RPS6KA6: variants seen among roughly 807,000 people sequenced by gnomAD.
RPS6KA6 encodes ribosomal protein S6 kinase alpha-6.
Under a neutral mutation model 65.4 loss-of-function variants are expected in RPS6KA6, and 27 were observed. The ratio of observed to expected loss-of-function variants is 0.41; its 90% CI spans 0.30 to 0.57. RPS6KA6 has a LOEUF of 0.57. RPS6KA6 is among the 20% of genes least tolerant of loss of function. RPS6KA6 has a pLI of 0.24. For synonymous variants in RPS6KA6, 190 were observed against 184.2 expected, an observed-to-expected ratio of 1.03 and a Z score of -0.26; for missense variants, 486 against 555.6, an observed-to-expected ratio of 0.87 and a Z score of 1.26.
intron 8 of RPS6KA6, among the ~76,000 whole-genome samples, chrX:84,122,173 G>T (rs1054845717): frequency 2.7e-5 from 3 of 110,489 alleles, no homozygotes; most frequent in Non-Finnish European, 5.7e-5. Flanking sequence ...AATCACTGAT[G>T]ACACCCCTTC....
intron 1 of RPS6KA6, among the ~76,000 whole-genome samples, chrX:84,179,064 A>G (rs6616913): frequency 0.051 from 5,681 of 110,812 alleles, 199 homozygotes; most frequent in East Asian, 0.2. Context: ...CTCAAAATTC[A>G]ATAATAAGAA....
At position 84,097,862 on chromosome X, in the gene RPS6KA6, A is replaced by C. The variant is rs2034187163; in HGVS notation, c.1777-14T>G. 1 of 1,122,292 alleles carries C rather than the reference A, an allele frequency of 8.9e-7. No individual in the cohort carries two copies. The highest frequency in any genetic ancestry group is 1.2e-6 in the Non-Finnish European group (1 of 819,748). The allele number at this position is 1,122,292 out of a possible 1,213,427, so 92.5% of individuals were successfully genotyped here. On this transcript the variant is annotated splice_polypyrimidine_tract_variant and intron_variant, in intron 18 of 21. Coordinates refer to ENST00000262752, the MANE Select transcript of RPS6KA6 (RefSeq NM_014496.5). ...TTGCATAAGAACCTAAGAAAGAAAT[A>C]CTCATTATATGGTGTTACTCAATAT...
intron 6 of RPS6KA6, among the ~76,000 whole-genome samples, chrX:84,139,658 T>C (rs1414921205): frequency 1.8e-5 from 2 of 111,871 alleles, no homozygotes; most frequent in Admixed American, 1.9e-4. Flanking sequence ...AAGTAAGACA[T>C]TGAACTACTA....
intron 1 of RPS6KA6, chrX:84,187,566 C>G (rs752365306): frequency 3.3e-6 from 1 of 303,226 alleles, no homozygotes; most frequent in East Asian, 5.2e-5. Context: ...CACAACAACT[C>G]TGGCGTGGCC....
At chrX:84,107,770 A>C (rs1441717584) in intron 12 of RPS6KA6, 45 bp from the exon 13 acceptor site, 2 of 675,191 alleles carry the variant, frequency 3.0e-6, no homozygotes, top group Non-Finnish European at 4.6e-6. Context: ...AAGACTTTAA[A>C]AATTATTATA....
chrX:84,072,480 G>C (rs1297584754), intron 20 of RPS6KA6, among the ~76,000 whole-genome samples: 1 of 111,620 alleles, frequency 9.0e-6, no homozygotes, highest in East Asian at 2.8e-4. Flanking sequence ...AGCTTTTCCT[G>C]TATGATATGG....
intron 8 of RPS6KA6, among the ~76,000 whole-genome samples, chrX:84,120,532 C>T (rs1454752809): frequency 9.0e-6 from 1 of 111,112 alleles, no homozygotes; most frequent in Non-Finnish European, 1.9e-5. Context: ...TTAAAAAGTA[C>T]CATTTATAAT....
At chrX:84,110,037 C>T (rs1048162548) in intron 12 of RPS6KA6, among the ~76,000 whole-genome samples, 1 of 111,413 alleles carries the variant, frequency 9.0e-6, no homozygotes, top group Non-Finnish European at 1.9e-5. Flanking sequence ...AAGCATTACC[C>T]ATTGGCAAAC....
intron 2 of RPS6KA6, among the ~76,000 whole-genome samples, chrX:84,157,188 C>T (rs2035430093): frequency 9.0e-6 from 1 of 111,524 alleles, no homozygotes; most frequent in South Asian, 3.7e-4. Flanking sequence ...GCTAAAATAA[C>T]TTCCATGGAA....
intron 8 of RPS6KA6, among the ~76,000 whole-genome samples, chrX:84,132,116 T>G (rs2147506597): frequency 8.9e-6 from 1 of 111,855 alleles, no homozygotes; most frequent in South Asian, 3.8e-4. Context: ...GCTTCTGAAT[T>G]ATGTCTCTCA....
At chrX:84,067,788 A>T (rs2147324539) in intron 20 of RPS6KA6, among the ~76,000 whole-genome samples, 1 of 111,463 alleles carries the variant, frequency 9.0e-6, no homozygotes, top group South Asian at 3.8e-4. Context: ...ATACTCCTTG[A>T]GAAGAGCAAT....
intron 5 of RPS6KA6, 73 bp downstream of exon 5, chrX:84,146,905 A>T (rs1650303766): frequency 1.8e-6 from 1 of 557,037 alleles, no homozygotes; most frequent in Middle Eastern, 5.8e-4. Context: ...TGTGAAAGGA[A>T]ATCATAATTC....
At chrX:84,141,729 A>C (rs2035107597) in intron 6 of RPS6KA6, among the ~76,000 whole-genome samples, 1 of 111,534 alleles carries the variant, frequency 9.0e-6, no homozygotes, top group African/African-American at 3.3e-5. Flanking sequence ...TGACCATGTT[A>C]GTATCAAATA....
chrX:84,142,900 C>T (rs1039050418), intron 6 of RPS6KA6, among the ~76,000 whole-genome samples: 7 of 110,822 alleles, frequency 6.3e-5, no homozygotes, highest in African/African-American at 2.3e-4. Flanking sequence ...TTCTATCAAT[C>T]ATTTAAGGGC....
In RPS6KA6 at chrX:84,181,556, T is replaced by C. The variant is rs186486877; in HGVS notation, c.81+6263A>G. Among the ~76,000 whole-genome samples the C allele has an allele frequency of 3.4e-3, 377 of 112,005 alleles. 2 individuals carry two copies. The highest frequency in any genetic ancestry group is 9.0e-3 in the East Asian group (32 of 3,564). ...TTACAAATTAATATTCTTTTTTTCC[T>C]ATTGAATAATGACAACTACGTGACT... On this transcript the variant is annotated intron_variant, in intron 1 of 21. Coordinates refer to ENST00000262752, the MANE Select transcript of RPS6KA6 (RefSeq NM_014496.5).
intron 12 of RPS6KA6, 148 bp downstream of exon 12, chrX:84,116,081 G>T (rs2034559072): frequency 2.7e-6 from 1 of 364,983 alleles, no homozygotes; most frequent in African/African-American, 2.7e-5. Context: ...TGCACCCCCA[G>T]ATCTAAATTA....
chrX:84,183,455 T>C (rs753158236), intron 1 of RPS6KA6, among the ~76,000 whole-genome samples: 17 of 111,442 alleles, frequency 1.5e-4, no homozygotes, highest in Non-Finnish European at 2.3e-4. Context: ...TCAATTATTT[T>C]TCAAAGCACA....
At chrX:84,124,623 T>C (rs866617651) in intron 8 of RPS6KA6, among the ~76,000 whole-genome samples, 1 of 91,975 alleles carries the variant, frequency 1.1e-5, no homozygotes, top group African/African-American at 4.0e-5. Context: ...GAGACAAAAT[T>C]AAAAAAAAAA....
intron 20 of RPS6KA6, among the ~76,000 whole-genome samples, chrX:84,092,324 A>T (rs989271567): frequency 9.0e-6 from 1 of 111,265 alleles, no homozygotes; most frequent in Non-Finnish European, 1.9e-5. Flanking sequence ...GGAAAATGGA[A>T]ATCAAAACTG....
Sources: gnomAD v4.1 joint callset for allele counts (sites outside exome capture counted in the v4.1 genomes callset) on GRCh38, gnomAD v4.1.1 for gene constraint, MANE v1.5 for transcripts, NCBI Gene and HGNC (gene_info 2026-07-23, HGNC 2026-07-21) for gene names.